MATN1: variants seen among roughly 807,000 people sequenced by gnomAD.
MATN1 encodes matrilin 1.
MATN1 carries 34 observed loss-of-function variants against 41.3 expected under a neutral mutation model. The ratio of observed to expected loss-of-function variants is 0.82; its 90% CI spans 0.63 to 1.10. The LOEUF is 1.10. Among genes scored for constraint, MATN1 ranks in the 50% least tolerant of loss-of-function variants. MATN1 has a pLI of 0.00. For missense variants in MATN1, 602 were observed against 662.4 expected, an observed-to-expected ratio of 0.91 and a Z score of 1.00; for synonymous variants, 264 against 278.7, an observed-to-expected ratio of 0.95 and a Z score of 0.53.
In MATN1 at chr1:30,715,289, C is replaced by T; in HGVS notation, c.1228G>A (p.Gly410Ser). The T allele has an allele frequency of 6.2e-7, 1 of 1,614,202 alleles. No individual in the cohort carries two copies. The highest frequency in any genetic ancestry group is 8.5e-7 in the Non-Finnish European group (1 of 1,180,032). ...TCATCCTCCACGGCATTGCCCACACCCACAGCAAACATCTTAAAGCCTGCC... is the reference window on the plus strand; with the variant it reads ...TCATCCTCCACGGCATTGCCCACACTCACAGCAAACATCTTAAAGCCTGCC... The part of the protein sequence containing the change: ...KDLGFKMFAV[G>S]VGNAVEDELR... Residue 410 changes from glycine (G) to serine (S), a missense_variant, in exon 6 of 8, where the codon GGT becomes AGT. Physicochemically the swap from Gly to Ser is moderately conservative, Grantham distance 56. Transcript: ENST00000373765.
intron 1 of MATN1, among the ~76,000 whole-genome samples, chr1:30,722,291 A>G (rs1364719703): frequency 6.6e-6 from 1 of 152,258 alleles, no homozygotes; most frequent in African/African-American, 2.4e-5. Flanking sequence ...CTGAGCATCA[A>G]AGCAAATCAC....
intron 6 of MATN1, among the ~76,000 whole-genome samples, 194 bp downstream of exon 6, chr1:30,714,963 C>T (rs899971278): frequency 2.0e-5 from 3 of 152,214 alleles, no homozygotes; most frequent in East Asian, 3.8e-4. Context: ...GAGAACACTG[C>T]CAGCCACGTA....
chr1:30,716,329 TGGA>T lies in MATN1; in HGVS notation c.791-7_791-5del. ...CTGCCACCACCACCACTGCAGACTG[TGGA>T]GGACAGGAAGGCAACGGGCTGAAGC... On this transcript the variant is annotated splice_region_variant and splice_polypyrimidine_tract_variant and intron_variant, in intron 4 of 7. Coordinates refer to ENST00000373765, the MANE Select transcript of MATN1 (RefSeq NM_002379.3). 6.2e-7 allele frequency: 1 copy of T among 1,611,682 alleles called. No homozygotes were observed. The highest frequency in any genetic ancestry group is 8.5e-7 in the Non-Finnish European group (1 of 1,178,130).
intron 4 of MATN1, among the ~76,000 whole-genome samples, 173 bp downstream of exon 4, chr1:30,716,617 G>A (rs1345014583): frequency 6.6e-6 from 1 of 152,210 alleles, no homozygotes; most frequent in Non-Finnish European, 1.5e-5. Flanking sequence ...TTGAAAACAG[G>A]GACAGAAGTC....
At position 30,718,894 on chromosome 1, in the gene MATN1, G is replaced by A. The variant is rs769383820; in HGVS notation, c.505C>T (p.Arg169Trp). The change falls in exon 3 of 8, where the codon CGG becomes TGG. Residue 169 changes from arginine to tryptophan, a missense_variant. Physicochemically the swap from Arg to Trp is moderately radical, Grantham distance 101. Transcript: ENST00000373765. ...GCGAACAGCTCGACGCCGCTGGCCC[G>A]GGCCCGCGCAGACACGTCCTGCACG... The part of the protein sequence containing the change: ...DSVQDVSARA[R>W]ASGVELFAIG... 5 of 1,586,376 alleles carry A rather than the reference G, an allele frequency of 3.2e-6. No homozygotes were observed. The East Asian group carries it at 1.1e-4, about 36-fold the overall frequency.
At chr1:30,717,420 C>CCA (rs1026335462) in intron 3 of MATN1, among the ~76,000 whole-genome samples, 2 of 152,096 alleles carry the variant, frequency 1.3e-5, no homozygotes, top group East Asian at 1.9e-4. Flanking sequence ...TCCCAAAGAC[C>CCA]CACACACACA....
chr1:30,715,035 T>A, intron 6 of MATN1, 122 bp downstream of exon 6: 1 of 1,164,550 alleles, frequency 8.6e-7, no homozygotes, highest in Non-Finnish European at 1.2e-6. Context: ...CTTCTGGTTC[T>A]GCCAACTCTT....
chr1:30,722,075 G>GC (rs1639702492), intron 1 of MATN1, among the ~76,000 whole-genome samples: 1 of 96,224 alleles, frequency 1.0e-5, no homozygotes, highest in African/African-American at 7.4e-5. Context: ...GGAGCCAGCA[G>GC]GGGGCCAGGC....
intron 3 of MATN1, among the ~76,000 whole-genome samples, chr1:30,717,425 C>G (rs1049164098): frequency 2.0e-5 from 3 of 152,140 alleles, no homozygotes; most frequent in Admixed American, 1.3e-4. Flanking sequence ...AAGACCCACA[C>G]ACACACCTCC....
chr1:30,717,010 T>A, intron 3 of MATN1, 95 bp from the exon 4 acceptor site: 1 of 1,363,210 alleles, frequency 7.3e-7, no homozygotes, highest in Non-Finnish European at 9.7e-7. Flanking sequence ...CCAGGCCCCA[T>A]CCAGACTCAG....
chr1:30,715,301 T>C lies in MATN1; in HGVS notation c.1216A>G (p.Met406Val). ...GCATTGCCCACACCCACAGCAAACA[T>C]CTTAAAGCCTGCCAGGAGGAACAGG... ...AKKAKDLGFKMFAVGVGNAVE... is the reference protein window; with the variant it reads ...AKKAKDLGFKVFAVGVGNAVE... The change falls in exon 6 of 8, where the codon ATG (methionine) becomes GTG (valine). Residue 406 changes from methionine (M) to valine (V), a missense_variant. Coordinates refer to ENST00000373765, the MANE Select transcript of MATN1 (RefSeq NM_002379.3). 6.2e-7 allele frequency: 1 copy of C among 1,614,096 alleles called. No homozygotes were observed. The highest frequency in any genetic ancestry group is 8.5e-7 in the Non-Finnish European group (1 of 1,180,006).
chr1:30,718,612 G>A (rs1180068019), intron 3 of MATN1, 123 bp downstream of exon 3: 5 of 66,026 alleles, frequency 7.6e-5, no homozygotes, highest in South Asian at 4.2e-4. Flanking sequence ...CCCCGCCCCT[G>A]CCCTGCGCCG....
chr1:30,723,057 GC>G (rs1639716718), intron 1 of MATN1, among the ~76,000 whole-genome samples: 1 of 152,064 alleles, frequency 6.6e-6, no homozygotes, highest in Admixed American at 6.6e-5. Flanking sequence ...GGGTGTTATT[GC>G]CCCCAGGGAG....
At chr1:30,718,690 C>T (rs1639656952) in intron 3 of MATN1, 45 bp downstream of exon 3, 1 of 1,471,524 alleles carries the variant, frequency 6.8e-7, no homozygotes, top group Non-Finnish European at 9.1e-7. Context: ...GCCGCTCTCC[C>T]CTTCTCCGCC....
intron 2 of MATN1, 94 bp downstream of exon 2, chr1:30,721,311 G>T: frequency 1.6e-6 from 2 of 1,237,156 alleles, no homozygotes; most frequent in Non-Finnish European, 2.3e-6. Flanking sequence ...ACCTCACGGG[G>T]CATCATGGGA....
chr1:30,716,683 T>C (rs1413906106), intron 4 of MATN1, 107 bp downstream of exon 4: 8 of 1,435,742 alleles, frequency 5.6e-6, no homozygotes, highest in Non-Finnish European at 6.5e-6. Context: ...GCTTTGAAGA[T>C]TGGTTCAGAG....
chr1:30,711,793 G>A lies in MATN1; in HGVS notation c.*1789C>T, dbSNP rs1639546872. 6.6e-6 allele frequency: 1 copy of A among 152,206 alleles called. No individual in the cohort carries two copies. Among genetic ancestry groups the A allele is most frequent in the African/African-American group, 2.4e-5 (1 of 41,424 alleles). 9.4% of individuals were successfully genotyped at this position (152,206 alleles called of 1,614,324 possible). On this transcript the variant is annotated 3_prime_UTR_variant, in exon 8 of 8. Transcript: ENST00000373765. ...TGGCTGCCTCTCCCCCTCCCCACCT[G>A]TGTGGGGAGGAGAGGGGAGTGGATA...
chr1:30,718,653 TC>T, intron 3 of MATN1, 81 bp downstream of exon 3: 1 of 809,430 alleles, frequency 1.2e-6, no homozygotes. Flanking sequence ...TCAGCCTCGG[TC>T]CCGCCTCCAG....
intron 1 of MATN1, 73 bp downstream of exon 1, chr1:30,723,385 G>T: frequency 8.4e-7 from 1 of 1,188,210 alleles, no homozygotes; most frequent in Non-Finnish European, 1.1e-6. Flanking sequence ...CTGCCATATC[G>T]GTACCCAGCC....
Sources: allele counts gnomAD v4.1 joint callset (sites outside exome capture counted in the v4.1 genomes callset), GRCh38; gene constraint gnomAD v4.1.1; transcripts MANE v1.5; gene names NCBI Gene and HGNC (gene_info 2026-07-23, HGNC 2026-07-21).